PLPPR1: variants seen among roughly 807,000 people sequenced by gnomAD.
PLPPR1 encodes phospholipid phosphatase-related protein type 1.
In PLPPR1, 10 loss-of-function variants were observed where a neutral mutation model predicts 33.1. That is an observed-to-expected ratio of 0.30 (90% CI 0.19 to 0.51). PLPPR1 has a LOEUF of 0.51. PLPPR1 is among the 20% of genes least tolerant of loss of function. PLPPR1 has a pLI of 0.97. For synonymous variants in PLPPR1, 151 were observed against 151.0 expected (o/e 1.00, Z 0.00); for missense variants, 304 against 408.1 (o/e 0.74, Z 2.20).
chr9:101,223,295 C>T (rs1224947778), intron 2 of PLPPR1, among the ~76,000 whole-genome samples: 3 of 150,548 alleles, frequency 2.0e-5, no homozygotes, highest in African/African-American at 7.3e-5. Flanking sequence ...ATGATGGTAC[C>T]ACTGAACTCC....
intron 1 of PLPPR1, among the ~76,000 whole-genome samples, chr9:101,051,501 C>T (rs974137484): frequency 6.6e-6 from 1 of 152,230 alleles, no homozygotes; most frequent in South Asian, 2.1e-4. Context: ...ACTAGCATGC[C>T]CCACATATTC....
intron 1 of PLPPR1, among the ~76,000 whole-genome samples, chr9:101,038,260 C>T (rs1013642719): frequency 1.3e-5 from 2 of 152,194 alleles, no homozygotes; most frequent in Non-Finnish European, 2.9e-5. Context: ...AAAAGGATGA[C>T]TGTTGCTTTC....
intron 2 of PLPPR1, among the ~76,000 whole-genome samples, chr9:101,255,650 C>T (rs970416301): frequency 2.1e-4 from 32 of 152,102 alleles, no homozygotes; most frequent in Admixed American, 7.9e-4. Flanking sequence ...ATGCATCTTA[C>T]TCCAAATGTG....
intron 1 of PLPPR1, among the ~76,000 whole-genome samples, chr9:101,064,436 A>G (rs1299984596): frequency 6.6e-6 from 1 of 152,068 alleles, no homozygotes; most frequent in Non-Finnish European, 1.5e-5. Context: ...ATGGTCAAAT[A>G]TTTGCTGGAG....
chr9:101,072,809 T>C (rs776593385), intron 1 of PLPPR1, among the ~76,000 whole-genome samples: 4 of 152,214 alleles, frequency 2.6e-5, no homozygotes, highest in African/African-American at 4.8e-5. Context: ...AAGGAAAATA[T>C]TGTAGCAACT....
At chr9:101,188,842 C>T (rs956617160) in intron 2 of PLPPR1, among the ~76,000 whole-genome samples, 6 of 152,066 alleles carry the variant, frequency 3.9e-5, no homozygotes, top group African/African-American at 4.8e-5. Context: ...TCTTTGGCTA[C>T]TTCGAGCTCT....
chr9:101,296,927 C>T (rs886919353), intron 4 of PLPPR1, among the ~76,000 whole-genome samples: 6 of 151,144 alleles, frequency 4.0e-5, no homozygotes, highest in South Asian at 2.1e-4. Flanking sequence ...GCACATGTAC[C>T]CTAAAACTTA....
At chr9:101,241,836 A>T (rs1294608835) in intron 2 of PLPPR1, among the ~76,000 whole-genome samples, 2 of 152,088 alleles carry the variant, frequency 1.3e-5, no homozygotes, top group Non-Finnish European at 2.9e-5. Context: ...CAAATCAATC[A>T]ATCAACATTT....
chr9:101,133,916 AT>A (rs1831346816), intron 1 of PLPPR1, among the ~76,000 whole-genome samples: 1 of 152,160 alleles, frequency 6.6e-6, no homozygotes, highest in Non-Finnish European at 1.5e-5. Flanking sequence ...GCTGTGCTTC[AT>A]TTTCTCCATT....
chr9:101,098,314 G>A (rs1056413920), intron 1 of PLPPR1, among the ~76,000 whole-genome samples: 1 of 147,992 alleles, frequency 6.8e-6, no homozygotes, highest in Non-Finnish European at 1.5e-5. Flanking sequence ...CAGGTAGAAC[G>A]AATAAATGAG....
At chr9:101,129,784 T>C (rs1416075094) in intron 1 of PLPPR1, among the ~76,000 whole-genome samples, 1 of 151,954 alleles carries the variant, frequency 6.6e-6, no homozygotes, top group East Asian at 1.9e-4. Context: ...TGAGGCGAGA[T>C]CACGCCACTG....
At chr9:101,263,711 T>C (rs1378772475) in intron 2 of PLPPR1, among the ~76,000 whole-genome samples, 2 of 152,224 alleles carry the variant, frequency 1.3e-5, no homozygotes, top group African/African-American at 2.4e-5. Flanking sequence ...CAAGGTTTAC[T>C]CCTGTGAGCT....
chr9:101,237,168 A>C (rs1827318306), intron 2 of PLPPR1, among the ~76,000 whole-genome samples: 1 of 151,730 alleles, frequency 6.6e-6, no homozygotes, highest in African/African-American at 2.4e-5. Flanking sequence ...GTCAAAAAAC[A>C]ATAGATGTTG....
intron 2 of PLPPR1, among the ~76,000 whole-genome samples, chr9:101,267,402 C>A (rs1361650488): frequency 6.6e-6 from 1 of 152,156 alleles, no homozygotes; most frequent in African/African-American, 2.4e-5. Flanking sequence ...TTACTTCAAA[C>A]AGCAGAGAAG....
intron 1 of PLPPR1, among the ~76,000 whole-genome samples, chr9:101,056,230 A>C (rs1830276581): frequency 6.6e-6 from 1 of 152,234 alleles, no homozygotes; most frequent in Non-Finnish European, 1.5e-5. Context: ...GCCTTTGCAC[A>C]TCTGTGACAG....
At chr9:101,277,759 T>C (rs2118905006) in intron 3 of PLPPR1, among the ~76,000 whole-genome samples, 1 of 152,300 alleles carries the variant, frequency 6.6e-6, no homozygotes, top group South Asian at 2.1e-4. Context: ...TATATTTCCT[T>C]ACTCCAGGAC....
chr9:101,074,019 A>G (rs1002410752), intron 1 of PLPPR1, among the ~76,000 whole-genome samples: 1 of 152,174 alleles, frequency 6.6e-6, no homozygotes, highest in African/African-American at 2.4e-5. Context: ...TCCCAAAGAA[A>G]TGAAGCCAGG....
At position 101,296,633 on chromosome 9, in the gene PLPPR1, C is replaced by T. The variant is rs893442561; in HGVS notation, c.385+10397C>T. Among the ~76,000 whole-genome samples the T allele has an allele frequency of 1.8e-4, 28 of 152,094 alleles. 1 individual carries two copies. On this transcript the variant is annotated intron_variant, in intron 4 of 7. Coordinates refer to ENST00000374874, the MANE Select transcript of PLPPR1 (RefSeq NM_207299.2). The stretch of plus-strand genomic sequence containing the variant: ...ACTATGCAGCCATAAAAAATGAGTT[C>T]ATGTCCTTTGTAGGGACATGGATGA...
chr9:101,152,246 T>C (rs939137885), intron 1 of PLPPR1, among the ~76,000 whole-genome samples: 1 of 152,204 alleles, frequency 6.6e-6, no homozygotes, highest in South Asian at 2.1e-4. Context: ...GCTGGAGTTG[T>C]TTGTTTTGTT....
Sources: allele counts gnomAD v4.1 joint callset (sites outside exome capture counted in the v4.1 genomes callset), GRCh38; gene constraint gnomAD v4.1.1; transcripts MANE v1.5; gene names NCBI Gene and HGNC (gene_info 2026-07-23, HGNC 2026-07-21).